Variants in CD180 observed in about 807,000 individuals in gnomAD.
CD180 encodes the protein CD180 molecule.
Under a neutral mutation model 10.7 loss-of-function variants are expected in CD180, and 11 were observed. The observed-to-expected ratio is 1.03, with a 90% confidence interval of 0.65 to 1.70. The LOEUF is 1.70. Ranked by LOEUF, CD180 falls within the 40% of genes most tolerant of loss-of-function variation. The probability of loss-of-function intolerance (pLI) is 0.00; values close to 1 mark genes in which losing one functional copy is unlikely to be tolerated. For missense variants in CD180, 729 were observed against 775.2 expected (o/e 0.94, Z 0.71); for synonymous variants, 286 against 294.6 (o/e 0.97, Z 0.30).
In CD180 at chr5:67,196,773, T is replaced by C; in HGVS notation, c.-132A>G. On this transcript the variant is annotated 5_prime_UTR_variant, in exon 1 of 3. Transcript: ENST00000256447. ...GTGATCTTGGAACAAGAAATGCTGT[T>C]GACTGCTCAGCATTCTGTGGCTCTG... 3 of 1,095,224 alleles carry C rather than the reference T, an allele frequency of 2.7e-6. No homozygotes were observed. Among genetic ancestry groups the C allele is most frequent in the Non-Finnish European group, 2.6e-6 (2 of 771,514 alleles). The allele number at this position is 1,095,224 out of a possible 1,614,324, so 67.8% of individuals were successfully genotyped here.
intron 1 of CD180, among the ~76,000 whole-genome samples, chr5:67,191,970 C>G (rs1488848323): frequency 1.3e-5 from 2 of 152,008 alleles, no homozygotes; most frequent in Admixed American, 1.3e-4. Flanking sequence ...CAAATAAATA[C>G]AAAACAATAA....
chr5:67,188,599 C>T (rs1742246059), intron 1 of CD180, among the ~76,000 whole-genome samples: 1 of 152,116 alleles, frequency 6.6e-6, no homozygotes, highest in Non-Finnish European at 1.5e-5. Context: ...TTTCTTATGC[C>T]GAGTTACAAA....
At chr5:67,189,388 G>T (rs950128261) in intron 1 of CD180, among the ~76,000 whole-genome samples, 1 of 152,180 alleles carries the variant, frequency 6.6e-6, no homozygotes, top group African/African-American at 2.4e-5. Context: ...GAAGTAGCTT[G>T]GTTTCAACCC....
chr5:67,182,778 T>G lies in CD180; in HGVS notation c.*79A>C. 9 of 1,226,294 alleles carry G rather than the reference T, an allele frequency of 7.3e-6. No individual in the cohort carries two copies. The highest frequency in any genetic ancestry group is 1.0e-5 in the Non-Finnish European group (9 of 881,864). 76.0% of individuals were successfully genotyped at this position (1,226,294 alleles called of 1,614,324 possible). The stretch of plus-strand genomic sequence containing the variant: ...AAGCAATCTGAAAAGTCTGGTCTGG[T>G]CACCAGCAGATGACAGTTCTTTCAC... On this transcript the variant is annotated 3_prime_UTR_variant, in exon 3 of 3. Coordinates refer to ENST00000256447, the MANE Select transcript of CD180 (RefSeq NM_005582.3).
In CD180 at chr5:67,184,947, C is replaced by CAT. The variant is rs544880051; in HGVS notation, c.258-364_258-363dup. 6.1e-4 allele frequency among the ~76,000 whole-genome samples: 93 copies of CAT among 151,762 alleles called. No homozygotes were observed. The South Asian group carries it at 9.0e-3, about 15-fold the overall frequency. On this transcript the variant is annotated intron_variant, in intron 2 of 2. Coordinates refer to ENST00000256447, the MANE Select transcript of CD180 (RefSeq NM_005582.3). ...AATAGATAATATATGGTATAAAATA[C>CAT]ATATATATATACACACACAAAAATC...
rs750510135 is a variant in CD180, at chr5:67,183,621, G to A, written c.1222C>T (p.Pro408Ser). ...AATGCCTGACTCTGGAGACCAAGAG[G>A]CTCATTGTGGCTCAGGTTTAAGGTT... The part of the protein sequence containing the change: ...LQTLNLSHNE[P>S]LGLQSQAFKE... The change falls in exon 3 of 3, where the codon CCT becomes TCT. Residue 408 changes from proline (P) to serine (S), a missense_variant. Transcript: ENST00000256447. 15 of 1,614,192 alleles carry A rather than the reference G, an allele frequency of 9.3e-6. No individual in the cohort carries two copies. In the Admixed American group the frequency reaches 1.0e-4, roughly 11 times the overall value.
intron 1 of CD180, among the ~76,000 whole-genome samples, chr5:67,188,578 G>T (rs1477629959): frequency 2.6e-5 from 4 of 152,192 alleles, no homozygotes; most frequent in African/African-American, 9.7e-5. Flanking sequence ...ACGGACTCCA[G>T]ATCAGTGTCT....
In CD180 at chr5:67,183,316, G is replaced by A. The variant is rs367671116; in HGVS notation, c.1527C>T (p.Leu509=). ...EVLILSSCGL[L]SIDQQAFHSL... is the part of the protein sequence containing the mutation. The stretch of plus-strand genomic sequence containing the variant: ...TGTGGAATGCTTGCTGGTCTATAGA[G>A]AGGAGACCACAAGAGGACAAAATCA... Residue 509 remains leucine (L), a synonymous_variant, in exon 3 of 3, where the codon CTC becomes CTT. Transcript: ENST00000256447. The A allele has an allele frequency of 5.2e-5, 84 of 1,614,036 alleles. No homozygotes were observed. The African/African-American group carries it at 7.5e-4, about 14-fold the overall frequency.
chr5:67,196,736 G>A lies in CD180; in HGVS notation c.-95C>T, dbSNP rs1048087759. The A allele has an allele frequency of 3.4e-5, 52 of 1,507,586 alleles. No homozygotes were observed. The highest frequency in any genetic ancestry group is 4.5e-5 in the Non-Finnish European group (50 of 1,111,230). 93.4% of individuals were successfully genotyped at this position (1,507,586 alleles called of 1,614,324 possible). On this transcript the variant is annotated 5_prime_UTR_variant, in exon 1 of 3. Transcript: ENST00000256447. ...CCCTGGCAATTTGGCAGCCAGAGAG[G>A]TACTCAGAAGGGTGATCTTGGAACA...
chr5:67,189,771 CACAT>C (rs1034181583), intron 1 of CD180, among the ~76,000 whole-genome samples: 3 of 152,156 alleles, frequency 2.0e-5, no homozygotes, highest in African/African-American at 7.2e-5. Flanking sequence ...AAGGTACACA[CACAT>C]GCACACACAC....
chr5:67,184,719 G>T (rs2151165918), intron 2 of CD180, 134 bp from the exon 3 acceptor site: 1 of 728,460 alleles, frequency 1.4e-6, no homozygotes, highest in Non-Finnish European at 2.2e-6. Context: ...AATATCAACA[G>T]ATGGCCTATT....
chr5:67,184,667 C>T, intron 2 of CD180, 82 bp from the exon 3 acceptor site: 1 of 1,148,870 alleles, frequency 8.7e-7, no homozygotes, highest in Non-Finnish European at 1.2e-6. Context: ...TTAACAAAGT[C>T]ATCTTTTGTA....
chr5:67,185,573 C>A (rs773719609), intron 2 of CD180, among the ~76,000 whole-genome samples: 9 of 152,098 alleles, frequency 5.9e-5, no homozygotes, highest in Admixed American at 2.6e-4. Flanking sequence ...TGATTTAGTA[C>A]AAGATTATTT....
chr5:67,184,170 G>C lies in CD180; in HGVS notation c.673C>G (p.Gln225Glu). The change falls in exon 3 of 3, where the codon CAA becomes GAA. Residue 225 changes from glutamine (Q) to glutamate (E), a missense_variant. Gln to Glu is a conservative substitution (Grantham distance 29). Transcript: ENST00000256447. ...ELGAFDSTIF[Q>E]SLNFGGTPNL... ...GGAGTTCCTCCAAAGTTCAAACTTT[G>C]GAAGATCGTTGAATCAAAAGCCCCA... The C allele has an allele frequency of 6.2e-7, 1 of 1,614,096 alleles. No homozygotes were observed.
chr5:67,186,714 T>C (rs1022991895), intron 1 of CD180, among the ~76,000 whole-genome samples: 4 of 152,218 alleles, frequency 2.6e-5, no homozygotes. Flanking sequence ...GTATACAGCA[T>C]TGTCTATGAA....
intron 1 of CD180, among the ~76,000 whole-genome samples, chr5:67,191,459 A>C (rs1197945346): frequency 1.3e-5 from 2 of 152,220 alleles, no homozygotes; most frequent in Non-Finnish European, 2.9e-5. Flanking sequence ...CTTTCAAAAA[A>C]GAGCTCTGCT....
chr5:67,186,180 G>A, intron 1 of CD180, 163 bp from the exon 2 acceptor site: 1 of 445,796 alleles, frequency 2.2e-6, no homozygotes, highest in Non-Finnish European at 3.9e-6. Flanking sequence ...ATTGTTAACT[G>A]TAGTACTTTT....
chr5:67,192,767 C>G (rs1204508590), intron 1 of CD180, among the ~76,000 whole-genome samples: 1 of 152,140 alleles, frequency 6.6e-6, no homozygotes, highest in Non-Finnish European at 1.5e-5. Context: ...GGCAGGGACA[C>G]AGATCCAAAC....
intron 1 of CD180, among the ~76,000 whole-genome samples, chr5:67,194,159 T>C (rs1256634143): frequency 6.6e-6 from 1 of 152,258 alleles, no homozygotes; most frequent in Non-Finnish European, 1.5e-5. Flanking sequence ...ATTTAGTTTA[T>C]ACTTTAACCT....
Sources: allele counts gnomAD v4.1 joint callset (sites outside exome capture counted in the v4.1 genomes callset), GRCh38; gene constraint gnomAD v4.1.1; transcripts MANE v1.5; gene names NCBI Gene and HGNC (gene_info 2026-07-23, HGNC 2026-07-21).